The following AGMO variants were observed in gnomAD, a reference collection of about 807,000 sequenced individuals.
AGMO encodes alkylglycerol monooxygenase.
In AGMO, 75 loss-of-function variants were observed where a neutral mutation model predicts 60.2. The observed-to-expected ratio is 1.25, with a 90% CI of 1.03 to 1.51. The LOEUF (loss-of-function observed/expected upper bound fraction) is 1.51. Among genes scored for constraint, AGMO ranks in the 40% most tolerant of loss-of-function variants. AGMO has a pLI of 0.00. For synonymous variants in AGMO, 261 were observed against 177.1 expected (o/e 1.47, Z -3.76); for missense variants, 763 against 525.5 (o/e 1.45, Z -4.42).
At chr7:15,511,863 C>T (rs1014907946) in intron 3 of AGMO, among the ~76,000 whole-genome samples, 4 of 152,008 alleles carry the variant, frequency 2.6e-5, no homozygotes, top group Non-Finnish European at 5.9e-5. Flanking sequence ...ACAAAGACCA[C>T]ATAAAGGCAG....
At chr7:15,261,038 G>C (rs1051817379) in intron 12 of AGMO, among the ~76,000 whole-genome samples, 6 of 151,990 alleles carry the variant, frequency 3.9e-5, no homozygotes, top group African/African-American at 1.4e-4. Context: ...AAGGTTTATA[G>C]CATTAAATAC....
At chr7:15,493,847 CTCTT>C (rs950993664) in intron 3 of AGMO, among the ~76,000 whole-genome samples, 4 of 152,016 alleles carry the variant, frequency 2.6e-5, no homozygotes, top group Non-Finnish European at 4.4e-5. Context: ...ATGTATGCTT[CTCTT>C]TTTTTGTTAA....
chr7:15,379,248 CA>C (rs1360048060), intron 10 of AGMO, among the ~76,000 whole-genome samples: 1 of 151,794 alleles, frequency 6.6e-6, no homozygotes, highest in African/African-American at 2.4e-5. Context: ...AAAGCTATCA[CA>C]AGACAATAAC....
chr7:15,401,737 G>A (rs1784557360), intron 5 of AGMO, among the ~76,000 whole-genome samples: 1 of 152,006 alleles, frequency 6.6e-6, no homozygotes, highest in Admixed American at 6.6e-5. Flanking sequence ...TGTCTGAGAG[G>A]GAAAAATCAT....
intron 3 of AGMO, among the ~76,000 whole-genome samples, chr7:15,437,596 G>C (rs937545952): frequency 6.8e-6 from 1 of 147,186 alleles, no homozygotes; most frequent in Non-Finnish European, 1.5e-5. Flanking sequence ...GTGCAGTGGT[G>C]GGATCTCCCC....
chr7:15,241,608 G>A (rs952675914), intron 12 of AGMO, among the ~76,000 whole-genome samples: 1 of 151,796 alleles, frequency 6.6e-6, no homozygotes, highest in African/African-American at 2.4e-5. Flanking sequence ...GAAGACAACT[G>A]ACATGATGAG....
At chr7:15,426,465 T>A (rs973473009) in intron 4 of AGMO, among the ~76,000 whole-genome samples, 4 of 152,058 alleles carry the variant, frequency 2.6e-5, no homozygotes, top group Non-Finnish European at 4.4e-5. Context: ...AACCAAAATC[T>A]TCCCCAGGCG....
chr7:15,499,897 T>C (rs1454148965), intron 3 of AGMO, among the ~76,000 whole-genome samples: 1 of 127,056 alleles, frequency 7.9e-6, no homozygotes, highest in Non-Finnish European at 1.7e-5. Context: ...GGGAATATTA[T>C]ATGTATTACG....
chr7:15,384,817 C>CTTTTTTTTTTTTTTTTTTTTTTTTTTT (rs71953359), intron 10 of AGMO, among the ~76,000 whole-genome samples: 1 of 121,310 alleles, frequency 8.2e-6, no homozygotes, highest in Non-Finnish European at 1.7e-5. Flanking sequence ...CTGTTTTTCT[C>CTTTTTTTTTTTTTTTTTTTTTTTTTTT]TTTTTTTTTT....
chr7:15,357,560 A>T (rs1259301665), intron 12 of AGMO, among the ~76,000 whole-genome samples: 1 of 152,142 alleles, frequency 6.6e-6, no homozygotes, highest in African/African-American at 2.4e-5. Context: ...AATTTGTTTG[A>T]CCAATGGAAT....
intron 10 of AGMO, among the ~76,000 whole-genome samples, chr7:15,368,251 C>T (rs1017881389): frequency 2.1e-5 from 3 of 145,984 alleles, no homozygotes; most frequent in Non-Finnish European, 4.5e-5. Context: ...ATGTGAAGGT[C>T]GGCGATGTCC....
intron 3 of AGMO, among the ~76,000 whole-genome samples, chr7:15,535,096 T>C (rs567422989): frequency 1.0e-3 from 152 of 152,052 alleles, no homozygotes; most frequent in South Asian, 4.6e-3. Context: ...TGGCATAACT[T>C]GCTTAATATT....
At chr7:15,352,293 A>T (rs948944026) in intron 12 of AGMO, among the ~76,000 whole-genome samples, 5 of 152,148 alleles carry the variant, frequency 3.3e-5, no homozygotes, top group African/African-American at 4.8e-5. Context: ...TATTTAAAAA[A>T]TTTTTATGAC....
At chr7:15,540,647 T>G (rs180736467) in intron 3 of AGMO, among the ~76,000 whole-genome samples, 10 of 152,324 alleles carry the variant, frequency 6.6e-5, no homozygotes, top group Non-Finnish European at 1.3e-4. Context: ...ATAACTGGCA[T>G]GCTGGCCCTT....
intron 3 of AGMO, among the ~76,000 whole-genome samples, chr7:15,511,215 C>G (rs1348694241): frequency 6.6e-6 from 1 of 152,094 alleles, no homozygotes; most frequent in African/African-American, 2.4e-5. Flanking sequence ...CACTCACACA[C>G]CCACCCACAT....
At chr7:15,497,971 G>A (rs1783278465) in intron 3 of AGMO, among the ~76,000 whole-genome samples, 1 of 151,950 alleles carries the variant, frequency 6.6e-6, no homozygotes, top group Non-Finnish European at 1.5e-5. Context: ...CTTGATGGGA[G>A]AAGTATTTGG....
chr7:15,530,989 ATATATATTC>A (rs1251828146), intron 3 of AGMO, among the ~76,000 whole-genome samples: 1 of 39,550 alleles, frequency 2.5e-5, no homozygotes, highest in Non-Finnish European at 4.5e-5. Flanking sequence ...TGTATATTCT[ATATATATTC>A]TATATATTCT....
chr7:15,484,135 T>A lies in AGMO; in HGVS notation c.410-53027A>T, dbSNP rs1486519197. Among the ~76,000 whole-genome samples the A allele has an allele frequency of 2.0e-5, 3 of 152,258 alleles. No homozygotes were observed. In the East Asian group the frequency reaches 5.8e-4, roughly 29 times the overall value. Reference sequence around the variant, plus strand: ...GCCTTCCAAAATGATTGCACCACTTTATATTTTCACAAAAAAGACATTGCA... The same window carrying A: ...GCCTTCCAAAATGATTGCACCACTTAATATTTTCACAAAAAAGACATTGCA... On this transcript the variant is annotated intron_variant, in intron 3 of 12. Coordinates refer to ENST00000342526, the MANE Select transcript of AGMO (RefSeq NM_001004320.2).
downstream of AGMO, among the ~76,000 whole-genome samples, chr7:15,198,196 C>CGA (rs748392069): frequency 0.015 from 1,141 of 77,322 alleles, 107 homozygotes; most frequent in East Asian, 0.027. Flanking sequence ...AGGGCTTTCC[C>CGA]GAGAGAGAGA....
Sources: gnomAD v4.1 joint callset for allele counts (sites outside exome capture counted in the v4.1 genomes callset) on GRCh38, gnomAD v4.1.1 for gene constraint, MANE v1.5 for transcripts, NCBI Gene and HGNC (gene_info 2026-07-23, HGNC 2026-07-21) for gene names.